Variants in SLC25A23 observed in about 807,000 individuals in gnomAD.
The protein encoded by SLC25A23 is solute carrier family 25 member 23, also known as mitochondrial adenyl nucleotide antiporter SLC25A23.
SLC25A23 carries 32 observed loss-of-function variants against 53.9 expected under a neutral mutation model. The ratio of observed to expected loss-of-function variants is 0.59; its 90% confidence interval spans 0.45 to 0.80. SLC25A23 has a LOEUF of 0.80. Ranked by LOEUF, SLC25A23 falls within the 30% of genes least tolerant of loss-of-function variation. The probability of loss-of-function intolerance (pLI) is 0.00; values close to 1 mark genes in which losing one functional copy is unlikely to be tolerated. For synonymous variants in SLC25A23, 275 were observed against 264.5 expected (o/e 1.04, Z -0.38); for missense variants, 575 against 651.4 (o/e 0.88, Z 1.28).
At chr19:6,444,001 G>A in intron 9 of SLC25A23, 150 bp downstream of exon 9, 1 of 788,632 alleles carries the variant, frequency 1.3e-6, no homozygotes. Context: ...GAAAGTAAAG[G>A]ACTCCCATTT....
At chr19:6,439,017 G>A (rs2092373825), downstream of SLC25A23, among the ~76,000 whole-genome samples, 1 of 152,052 alleles carries the variant, frequency 6.6e-6, no homozygotes, top group Admixed American at 6.6e-5. Context: ...CTACAGCCTG[G>A]GCGACAGAGC....
Position 6,458,409 on chromosome 19 carries a change from C to T in SLC25A23, c.157-85G>A, listed in dbSNP as rs932341616. On this transcript the variant is annotated intron_variant, in intron 1 of 9. Coordinates refer to ENST00000301454, the MANE Select transcript of SLC25A23 (RefSeq NM_024103.3). ...CGCATGTCACCTTATGCCTTAGGAA[C>T]CCAGAGCCCCCAGCGCCTTGAGGAA... The T allele has an allele frequency of 6.9e-6, 10 of 1,441,274 alleles. No homozygotes were observed. In the African/African-American group the frequency reaches 1.4e-4, roughly 21 times the overall value. 89.3% of individuals were successfully genotyped at this position (1,441,274 alleles called of 1,614,324 possible).
At chr19:6,445,174 A>T (rs2144833358) in intron 8 of SLC25A23, among the ~76,000 whole-genome samples, 1 of 149,594 alleles carries the variant, frequency 6.7e-6, no homozygotes, top group Admixed American at 6.7e-5. Flanking sequence ...CAATGGTGCA[A>T]TCTCGGCTGA....
At chr19:6,450,091 C>G (rs1334041249) in intron 8 of SLC25A23, among the ~76,000 whole-genome samples, 2 of 151,838 alleles carry the variant, frequency 1.3e-5, no homozygotes, top group Non-Finnish European at 2.9e-5. Flanking sequence ...CTCCTGACCT[C>G]AGGTGATCCA....
intron 7 of SLC25A23, among the ~76,000 whole-genome samples, chr19:6,453,352 G>A (rs921414093): frequency 6.8e-6 from 1 of 147,964 alleles, no homozygotes; most frequent in Non-Finnish European, 1.5e-5. Context: ...CCATTCTCCT[G>A]CCTCAGCTTC....
At chr19:6,444,067 G>T in intron 9 of SLC25A23, 84 bp downstream of exon 9, 1 of 1,398,728 alleles carries the variant, frequency 7.1e-7, no homozygotes, top group Non-Finnish European at 9.4e-7. Flanking sequence ...ATCCAGGAGG[G>T]TCCCAGCCCA....
intron 8 of SLC25A23, among the ~76,000 whole-genome samples, chr19:6,450,160 T>C (rs1208974733): frequency 6.6e-6 from 1 of 152,054 alleles, no homozygotes; most frequent in African/African-American, 2.4e-5. Flanking sequence ...GACCGGCCTC[T>C]ACTCATACCT....
In SLC25A23 at chr19:6,441,846, G is replaced by A; in HGVS notation, c.*129C>T. On this transcript the variant is annotated 3_prime_UTR_variant, in exon 10 of 10. Transcript: ENST00000301454. ...CCATGACCCAATGGTTGGGGCATAG[G>A]AGTCTAGGATCCAGGATCTGGGTAC... is the stretch of plus-strand genomic sequence containing the variant. 4 of 801,894 alleles carry A rather than the reference G, an allele frequency of 5.0e-6. No homozygotes were observed. The highest frequency in any genetic ancestry group is 2.3e-5 in the Admixed American group (1 of 44,418). 49.7% of individuals were successfully genotyped at this position (801,894 alleles called of 1,614,324 possible). A position where few individuals can be genotyped will look rare whatever the true frequency, so the allele number is the denominator to read the frequency against.
chr19:6,455,970 C>T lies in SLC25A23; in HGVS notation c.483+450G>A, dbSNP rs539232212. The stretch of plus-strand genomic sequence containing the variant: ...GCCTGACCTCGTGATCCGCCCACTT[C>T]GGCCTCCCAAAGTGCTGGGATTTTA... On this transcript the variant is annotated intron_variant, in intron 4 of 9. Coordinates refer to ENST00000301454, the MANE Select transcript of SLC25A23 (RefSeq NM_024103.3). 1.6e-3 allele frequency: 2,049 copies of T among 1,249,694 alleles called. 4 individuals are homozygous for T. The highest frequency in any genetic ancestry group is 1.9e-3 in the Non-Finnish European group (1,857 of 953,688). The allele number at this position is 1,249,694 out of a possible 1,614,324, so 77.4% of individuals were successfully genotyped here.
downstream of SLC25A23, chr19:6,436,212 G>T: frequency 3.6e-6 from 1 of 279,530 alleles, no homozygotes; most frequent in South Asian, 3.4e-5. Flanking sequence ...CTCAGGAGCC[G>T]CTGAGCCGGC....
In SLC25A23 at chr19:6,441,890, G is replaced by T. The variant is rs916739324; in HGVS notation, c.*85C>A. The stretch of plus-strand genomic sequence containing the variant: ...TGGGTACTGGGATCTCGTGGCCAAA[G>T]AGTAGGGATCCTGTGGTTGGATCAT... On this transcript the variant is annotated 3_prime_UTR_variant, in exon 10 of 10. Transcript: ENST00000301454. 1 of 1,348,964 alleles carries T rather than the reference G, an allele frequency of 7.4e-7. No individual in the cohort carries two copies. The highest frequency in any genetic ancestry group is 1.0e-6 in the Non-Finnish European group (1 of 958,978). The allele number at this position is 1,348,964 out of a possible 1,614,324, so 83.6% of individuals were successfully genotyped here.
intron 4 of SLC25A23, 146 bp downstream of exon 4, chr19:6,456,274 C>G: frequency 5.3e-6 from 5 of 941,600 alleles, no homozygotes; most frequent in Non-Finnish European, 7.9e-6. Flanking sequence ...AAGAGAGGAA[C>G]AGACCCTCAT....
At position 6,454,355 on chromosome 19, in the gene SLC25A23, C is replaced by T. The variant is rs766896211; in HGVS notation, c.763G>A (p.Glu255Lys). ...NGINVLKIAP[E>K]SAIKFMAYEQ... ...TAGGCCATGAACTTGATAGCTGACT[C>T]GGGGGCAATCTTGAGTACATTAATA... is the stretch of plus-strand genomic sequence containing the variant. The change falls in exon 6 of 10, where the codon GAG becomes AAG. Residue 255 changes from glutamate to lysine, a missense_variant. Transcript: ENST00000301454. This position sits in a 1 kb window ranked among gnomAD's most constrained non-coding sequence, Gnocchi z 4.3. 3.0e-5 allele frequency: 48 copies of T among 1,614,124 alleles called. No individual in the cohort carries two copies. The highest frequency in any genetic ancestry group is 1.7e-4 in the Middle Eastern group (1 of 6,058).
At chr19:6,439,437 A>T (rs2092385873), downstream of SLC25A23, among the ~76,000 whole-genome samples, 1 of 151,658 alleles carries the variant, frequency 6.6e-6, no homozygotes, top group Non-Finnish European at 1.5e-5. Flanking sequence ...ACACACACAG[A>T]CACACAAATT....
Position 6,454,169 on chromosome 19 carries a change from AGAAC to A in SLC25A23, c.796-85_796-82del. On this transcript the variant is annotated intron_variant, in intron 6 of 9. Coordinates refer to ENST00000301454, the MANE Select transcript of SLC25A23 (RefSeq NM_024103.3). This position sits in a 1 kb window ranked among gnomAD's most constrained non-coding sequence, Gnocchi z 4.3. ...ACTCCACTGTTCTCCTGGCTTCCAA[AGAAC>A]TGGCTTGCTGCAGGCATTCATGCAG... 2 of 1,526,884 alleles carry A rather than the reference AGAAC, an allele frequency of 1.3e-6. No individual in the cohort carries two copies. Among genetic ancestry groups the A allele is most frequent in the South Asian group, 2.5e-5 (2 of 81,064 alleles). The allele number at this position is 1,526,884 out of a possible 1,614,324, so 94.6% of individuals were successfully genotyped here. A position where few individuals can be genotyped will look rare whatever the true frequency, so the allele number is the denominator to read the frequency against.
chr19:6,459,699 C>G lies in SLC25A23; in HGVS notation c.-71G>C, dbSNP rs879843418. 2 of 1,192,646 alleles carry G rather than the reference C, an allele frequency of 1.7e-6. No homozygotes were observed. The highest frequency in any genetic ancestry group is 2.1e-6 in the Non-Finnish European group (2 of 952,086). The allele number at this position is 1,192,646 out of a possible 1,614,324, so 73.9% of individuals were successfully genotyped here. ...GTGGGGGCTTCGCGGCTCCCCCTCC[C>G]CCCCCGGGACCCCGCAGGGTCAGCT... On this transcript the variant is annotated 5_prime_UTR_variant, in exon 1 of 10. Transcript: ENST00000301454. This position sits in a 1 kb window ranked among gnomAD's most constrained non-coding sequence, Gnocchi z 4.6.
At chr19:6,458,682 T>A (rs1433492398) in intron 1 of SLC25A23, among the ~76,000 whole-genome samples, 2 of 152,182 alleles carry the variant, frequency 1.3e-5, no homozygotes, top group Non-Finnish European at 2.9e-5. Flanking sequence ...TTTTTAGGTA[T>A]CTCATTCCTG....
chr19:6,438,896 C>T (rs2092372048), downstream of SLC25A23: 2 of 170,926 alleles, frequency 1.2e-5, no homozygotes, highest in Admixed American at 6.1e-5. Flanking sequence ...AAGAAATTAG[C>T]CAGGCATGGT....
Position 6,459,025 on chromosome 19 carries a change from G to A in SLC25A23, c.156+448C>T, listed in dbSNP as rs777346437. On this transcript the variant is annotated intron_variant, in intron 1 of 9. Coordinates refer to ENST00000301454, the MANE Select transcript of SLC25A23 (RefSeq NM_024103.3). This position sits in a 1 kb window ranked among gnomAD's most constrained non-coding sequence, Gnocchi z 4.6. Reference sequence around the variant, plus strand: ...CAGCCCGGGACAGTGAGCCAGGCCCGTGAACGGCCCATGAAAGGGCAGGCC... The same window carrying A: ...CAGCCCGGGACAGTGAGCCAGGCCCATGAACGGCCCATGAAAGGGCAGGCC... Among the ~76,000 whole-genome samples the A allele has an allele frequency of 4.5e-4, 68 of 152,230 alleles. No homozygotes were observed. Among genetic ancestry groups the A allele is most frequent in the Admixed American group, 2.0e-4 (3 of 15,290 alleles).
Sources: gnomAD v4.1 joint callset for allele counts (sites outside exome capture counted in the v4.1 genomes callset) on GRCh38, gnomAD v4.1.1 for gene constraint, Gnocchi (gnomAD v3.1) non-coding constraint, MANE v1.5 for transcripts, NCBI Gene and HGNC (gene_info 2026-07-23, HGNC 2026-07-21) for gene names.